The following ZNF823 variants were observed in gnomAD, a reference collection of about 807,000 sequenced individuals.
The protein encoded by ZNF823 is ZFP 36 for a zinc finger protein.
Under a neutral mutation model 11.4 loss-of-function variants are expected in ZNF823, and 5 were observed. The ratio of observed to expected loss-of-function variants is 0.44; its 90% CI spans 0.23 to 0.92. The LOEUF (loss-of-function observed/expected upper bound fraction) is 0.92, where lower values mean the gene tolerates loss of function less well. Among genes scored for constraint, ZNF823 ranks in the 40% least tolerant of loss-of-function variants. The pLI, the probability that ZNF823 is intolerant of heterozygous loss-of-function variation, is 0.24. For missense variants in ZNF823, 582 were observed against 738.5 expected (o/e 0.79, Z 2.46); for synonymous variants, 234 against 250.5 (o/e 0.93, Z 0.62).
At chr19:11,734,073 A>G (rs1974950676) in intron 1 of ZNF823, among the ~76,000 whole-genome samples, 1 of 151,892 alleles carries the variant, frequency 6.6e-6, no homozygotes, top group Admixed American at 6.6e-5. Context: ...CATCTCTATG[A>G]AAAATACAAA....
intron 1 of ZNF823, among the ~76,000 whole-genome samples, chr19:11,733,915 A>C (rs1273323305): frequency 1.3e-5 from 2 of 152,144 alleles, no homozygotes; most frequent in Non-Finnish European, 2.9e-5. Context: ...CCAGCTCTGT[A>C]ATCCTGGTTA....
Position 11,721,610 on chromosome 19 carries a change from C to T in ZNF823, c.*91G>A. On this transcript the variant is annotated 3_prime_UTR_variant, in exon 4 of 4. Transcript: ENST00000341191. ...AATTGAAACTACTTAAGGCTTTATC[C>T]CATGTTTACATTCATAGGGTCTATC... The T allele has an allele frequency of 7.8e-7, 1 of 1,282,526 alleles. No homozygotes were observed. The highest frequency in any genetic ancestry group is 1.1e-6 in the Non-Finnish European group (1 of 933,796). The allele number at this position is 1,282,526 out of a possible 1,614,324, so 79.4% of individuals were successfully genotyped here. A position where few individuals can be genotyped will look rare whatever the true frequency, so the allele number is the denominator to read the frequency against.
chr19:11,738,927 C>T lies in ZNF823; in HGVS notation c.-108G>A. On this transcript the variant is annotated 5_prime_UTR_variant, in exon 1 of 4. Transcript: ENST00000341191. ...GGGCGTCTCTCTCTCAGCGCCAGAGCCAGGACTCAGAGCGCAGGGGCGTGG... is the reference window on the plus strand; with the variant it reads ...GGGCGTCTCTCTCTCAGCGCCAGAGTCAGGACTCAGAGCGCAGGGGCGTGG... 4 of 1,423,910 alleles carry T rather than the reference C, an allele frequency of 2.8e-6. 1 individual carries two copies. The highest frequency in any genetic ancestry group is 2.7e-5 in the South Asian group (2 of 72,876). The allele number at this position is 1,423,910 out of a possible 1,614,324, so 88.2% of individuals were successfully genotyped here.
chr19:11,738,429 T>G (rs10412024), intron 1 of ZNF823, among the ~76,000 whole-genome samples: 11,550 of 152,222 alleles, frequency 0.076, 846 homozygotes, highest in African/African-American at 0.2. Flanking sequence ...GGGAGGCGGA[T>G]CTGGGGTGTC....
intron 1 of ZNF823, chr19:11,730,657 C>T (rs1036635403): frequency 5.3e-5 from 8 of 152,110 alleles, no homozygotes; most frequent in Non-Finnish European, 1.2e-4. Context: ...AAATGCTCAA[C>T]ACCGATGTTA....
intron 2 of ZNF823, 144 bp from the exon 3 acceptor site, chr19:11,724,398 C>T: frequency 1.5e-6 from 1 of 682,132 alleles, no homozygotes; most frequent in Non-Finnish European, 2.4e-6. Flanking sequence ...AACTGCACAG[C>T]TCCACTCATA....
intron 1 of ZNF823, among the ~76,000 whole-genome samples, chr19:11,727,247 A>C (rs1361678172): frequency 2.0e-5 from 3 of 152,282 alleles, no homozygotes; most frequent in Middle Eastern, 3.4e-3. Flanking sequence ...GTGGTGGCTC[A>C]CGACTGTAAT....
At chr19:11,734,754 G>A (rs907476465) in intron 1 of ZNF823, among the ~76,000 whole-genome samples, 4 of 152,028 alleles carry the variant, frequency 2.6e-5, no homozygotes, top group African/African-American at 9.7e-5. Flanking sequence ...GGTCAGGCTG[G>A]TCTTGAACTC....
chr19:11,731,626 G>A (rs1161491776), intron 1 of ZNF823, among the ~76,000 whole-genome samples: 1 of 151,966 alleles, frequency 6.6e-6, no homozygotes, highest in Non-Finnish European at 1.5e-5. Flanking sequence ...TCCCACAACA[G>A]GCCCCCACTG....
At position 11,722,827 on chromosome 19, in the gene ZNF823, A is replaced by G. The variant is rs751544569; in HGVS notation, c.707T>C (p.Leu236Pro). Residue 236 changes from leucine (L) to proline (P), a missense_variant, in exon 4 of 4, where the codon CTA becomes CCA. Physicochemically the swap from Leu to Pro is moderately conservative, Grantham distance 98. Coordinates refer to ENST00000341191, the MANE Select transcript of ZNF823 (RefSeq NM_001080493.4). The surrounding 1 kb of genome is among the most constrained non-coding windows in gnomAD (Gnocchi z 5.2). ...TCCCGTGTGGATTCTTTCATGTCTT[A>G]GATAGGAACTGTAAAAAGGAAAGGC... is the stretch of plus-strand genomic sequence containing the variant. Reference protein sequence around the residue: ...SKAFPFYSSYLRHERIHTGEK... With the variant: ...SKAFPFYSSYPRHERIHTGEK... The G allele has an allele frequency of 1.9e-6, 3 of 1,613,780 alleles. No homozygotes were observed. The highest frequency in any genetic ancestry group is 2.5e-6 in the Non-Finnish European group (3 of 1,179,978).
chr19:11,726,125 C>T (rs1425607796), intron 1 of ZNF823: 2 of 149,840 alleles, frequency 1.3e-5, no homozygotes, highest in East Asian at 3.9e-4. Flanking sequence ...TGCCTGTAGT[C>T]CCAGCTACCC....
intron 1 of ZNF823, among the ~76,000 whole-genome samples, chr19:11,732,314 G>A (rs1377553301): frequency 6.6e-6 from 1 of 152,020 alleles, no homozygotes; most frequent in Admixed American, 6.5e-5. Context: ...ACAGGCAACT[G>A]CCACCACGCC....
chr19:11,732,166 TCC>T (rs745331351), intron 1 of ZNF823, among the ~76,000 whole-genome samples: 11,884 of 138,596 alleles, frequency 0.086, 1,099 homozygotes, highest in African/African-American at 0.23. Flanking sequence ...GTTAAAGGTT[TCC>T]CTTTTTTTTT....
At chr19:11,738,286 G>C (rs549622345) in intron 1 of ZNF823, among the ~76,000 whole-genome samples, 1 of 152,254 alleles carries the variant, frequency 6.6e-6, no homozygotes, top group East Asian at 1.9e-4. Context: ...CCCCACAAGG[G>C]AACCCACTCA....
At chr19:11,724,603 G>T (rs1974756600) in intron 2 of ZNF823, among the ~76,000 whole-genome samples, 1 of 145,030 alleles carries the variant, frequency 6.9e-6, no homozygotes, top group Non-Finnish European at 1.5e-5. Context: ...CTGTCGCCCA[G>T]GCTGGAGTGC....
At chr19:11,735,283 A>AAC (rs768008565) in intron 1 of ZNF823, among the ~76,000 whole-genome samples, 1,442 of 126,714 alleles carry the variant, frequency 0.011, 6 homozygotes, top group South Asian at 0.021. Flanking sequence ...TCAAAAAACA[A>AAC]AAAAAAAAAA....
chr19:11,729,408 C>A (rs1290830829), intron 1 of ZNF823, among the ~76,000 whole-genome samples: 1 of 152,080 alleles, frequency 6.6e-6, no homozygotes, highest in Non-Finnish European at 1.5e-5. Flanking sequence ...GTCAGTTATA[C>A]AAGAAGACAT....
chr19:11,735,294 AAAAAAAG>A (rs1974975244), intron 1 of ZNF823, among the ~76,000 whole-genome samples: 1 of 151,738 alleles, frequency 6.6e-6, no homozygotes, highest in Admixed American at 6.6e-5. Context: ...AAAAAAAAAA[AAAAAAAG>A]AAAAGCAATT....
chr19:11,721,606 T>TA lies in ZNF823; in HGVS notation c.*94dup. 8.0e-7 allele frequency: 1 copy of TA among 1,255,248 alleles called. No individual in the cohort carries two copies. Among genetic ancestry groups the TA allele is most frequent in the South Asian group, 1.5e-5 (1 of 64,930 alleles). 77.8% of individuals were successfully genotyped at this position (1,255,248 alleles called of 1,614,324 possible). A position where few individuals can be genotyped will look rare whatever the true frequency, so the allele number is the denominator to read the frequency against. ...AAAAAATTGAAACTACTTAAGGCTTTATCCCATGTTTACATTCATAGGGTC... is the reference window on the plus strand; with the variant it reads ...AAAAAATTGAAACTACTTAAGGCTTTAATCCCATGTTTACATTCATAGGGTC... On this transcript the variant is annotated 3_prime_UTR_variant, in exon 4 of 4. Transcript: ENST00000341191.
Sources: allele counts gnomAD v4.1 joint callset (sites outside exome capture counted in the v4.1 genomes callset), GRCh38; gene constraint gnomAD v4.1.1; non-coding constraint Gnocchi (gnomAD v3.1); transcripts MANE v1.5; gene names NCBI Gene and HGNC (gene_info 2026-07-23, HGNC 2026-07-21).